UNC5D: variants seen among roughly 807,000 people sequenced by gnomAD.
UNC5D encodes the protein unc-5 netrin receptor D, also known as netrin receptor UNC5D.
Under a neutral mutation model 105.4 loss-of-function variants are expected in UNC5D, and 39 were observed. The observed-to-expected ratio is 0.37, with a 90% CI of 0.29 to 0.48. The LOEUF is 0.48. UNC5D is among the 20% of genes least tolerant of loss of function. UNC5D has a pLI of 0.98. For missense variants in UNC5D, 991 were observed against 1,202.4 expected, an observed-to-expected ratio of 0.82 and a Z score of 2.60; for synonymous variants, 452 against 450.4, an observed-to-expected ratio of 1.00 and a Z score of -0.04.
chr8:35,536,867 G>C (rs963422541), intron 1 of UNC5D, among the ~76,000 whole-genome samples: 3 of 152,002 alleles, frequency 2.0e-5, no homozygotes, highest in Admixed American at 6.6e-5. Flanking sequence ...GTAGTGGCAC[G>C]CACCTGTAGT....
intron 4 of UNC5D, among the ~76,000 whole-genome samples, chr8:35,622,384 G>C (rs199612925): frequency 6.6e-6 from 1 of 152,078 alleles, no homozygotes; most frequent in African/African-American, 2.4e-5. Flanking sequence ...AAAAACTCCT[G>C]AGAGGGAGAC....
At chr8:35,737,300 G>GTT (rs1554598554) in intron 11 of UNC5D, among the ~76,000 whole-genome samples, 2,713 of 130,126 alleles carry the variant, frequency 0.021, 114 homozygotes, top group African/African-American at 0.08. Flanking sequence ...GTGTGTGTGT[G>GTT]TTAATGTGTG....
intron 3 of UNC5D, among the ~76,000 whole-genome samples, chr8:35,592,107 A>C (rs1034746924): frequency 5.9e-5 from 9 of 152,164 alleles, no homozygotes; most frequent in African/African-American, 2.2e-4. Flanking sequence ...AGTTTTCTGC[A>C]ATATTCAATA....
At chr8:35,366,384 A>G (rs549593290) in intron 1 of UNC5D, among the ~76,000 whole-genome samples, 1 of 152,122 alleles carries the variant, frequency 6.6e-6, no homozygotes, top group African/African-American at 2.4e-5. Flanking sequence ...CACTCCAAAC[A>G]TAAGCCACCT....
intron 1 of UNC5D, among the ~76,000 whole-genome samples, chr8:35,451,234 T>C (rs1026438232): frequency 6.6e-6 from 1 of 151,914 alleles, no homozygotes; most frequent in African/African-American, 2.4e-5. Context: ...GTAGAGATAG[T>C]GTTTCTCCAT....
intron 1 of UNC5D, among the ~76,000 whole-genome samples, chr8:35,363,021 A>C (rs1801935266): frequency 6.6e-6 from 1 of 152,120 alleles, no homozygotes; most frequent in Non-Finnish European, 1.5e-5. Context: ...CACGTGTTGC[A>C]AGTTGTTGTC....
intron 1 of UNC5D, among the ~76,000 whole-genome samples, chr8:35,330,992 G>A (rs1427879486): frequency 6.6e-6 from 1 of 152,120 alleles, no homozygotes; most frequent in African/African-American, 2.4e-5. Flanking sequence ...GCTGCTCAGG[G>A]TTGCTTTGGA....
At chr8:35,475,826 G>A (rs1699728156) in intron 1 of UNC5D, among the ~76,000 whole-genome samples, 1 of 152,070 alleles carries the variant, frequency 6.6e-6, no homozygotes, top group South Asian at 2.1e-4. Flanking sequence ...TGCATCTGTG[G>A]GAAGTTTGCC....
intron 1 of UNC5D, among the ~76,000 whole-genome samples, chr8:35,470,024 C>T (rs1416287872): frequency 6.6e-6 from 1 of 152,206 alleles, no homozygotes; most frequent in Non-Finnish European, 1.5e-5. Flanking sequence ...CTGGACAAAT[C>T]ACTGGTCTCA....
intron 1 of UNC5D, among the ~76,000 whole-genome samples, chr8:35,533,756 GTT>G (rs1814602107): frequency 6.6e-6 from 1 of 152,182 alleles, no homozygotes; most frequent in East Asian, 1.9e-4. Context: ...GTGGTTCGCC[GTT>G]TTTTTAGCCG....
At chr8:35,572,770 G>A (rs1563548252) in intron 3 of UNC5D, among the ~76,000 whole-genome samples, 1 of 151,252 alleles carries the variant, frequency 6.6e-6, no homozygotes, top group Non-Finnish European at 1.5e-5. Context: ...AAATAATTCA[G>A]TATGGCTGGT....
chr8:35,395,262 C>T (rs556112564), intron 1 of UNC5D, among the ~76,000 whole-genome samples: 2 of 152,310 alleles, frequency 1.3e-5, no homozygotes, highest in East Asian at 3.9e-4. Context: ...ATATCTAGCA[C>T]TATAACTTGA....
At chr8:35,461,388 G>A (rs1218529020) in intron 1 of UNC5D, among the ~76,000 whole-genome samples, 2 of 152,098 alleles carry the variant, frequency 1.3e-5, no homozygotes. Context: ...TGTGAAAAAA[G>A]GAATACTCAG....
intron 1 of UNC5D, among the ~76,000 whole-genome samples, chr8:35,248,725 AAAAATATATAATATATAT>A (rs1424063638): frequency 1.0e-5 from 1 of 100,098 alleles, no homozygotes; most frequent in East Asian, 3.1e-4. Flanking sequence ...TAAAATATAT[AAAAATATATAATATATAT>A]AAAATATATA....
chr8:35,726,439 C>T lies in UNC5D; in HGVS notation c.1591C>T (p.Gln531Ter), dbSNP rs1434955600. ...MHPRNKMPYI[Q>*]NLSSLPTRTE... ...TCCCAGAAATAAAATGCCCTACATC[C>T]AAAATCTGTCATCACTCCCCACAAG... The change falls in exon 10 of 17, where the codon CAA becomes TAA. Residue 531 changes from glutamine (Q) to a stop codon, truncating the protein, a stop_gained. Transcript: ENST00000404895. LOFTEE classifies it high-confidence loss of function. 1 of 1,614,130 alleles carries T rather than the reference C, an allele frequency of 6.2e-7. No homozygotes were observed.
At chr8:35,574,402 A>G (rs1475198755) in intron 3 of UNC5D, among the ~76,000 whole-genome samples, 2 of 152,244 alleles carry the variant, frequency 1.3e-5, no homozygotes, top group Non-Finnish European at 1.5e-5. Context: ...AATGTGATAC[A>G]TCCTGAATAT....
At chr8:35,621,787 G>A (rs1821372242) in intron 4 of UNC5D, among the ~76,000 whole-genome samples, 1 of 152,158 alleles carries the variant, frequency 6.6e-6, no homozygotes, top group Non-Finnish European at 1.5e-5. Flanking sequence ...AGAAGGTGCA[G>A]CATATTCCTG....
intron 8 of UNC5D, among the ~76,000 whole-genome samples, chr8:35,712,416 C>G (rs1033913168): frequency 6.6e-6 from 1 of 152,130 alleles, no homozygotes; most frequent in African/African-American, 2.4e-5. Context: ...TAATACAAGG[C>G]AGAAAGAAGA....
At chr8:35,383,025 C>G (rs879580374) in intron 1 of UNC5D, among the ~76,000 whole-genome samples, 2 of 152,198 alleles carry the variant, frequency 1.3e-5, no homozygotes, top group East Asian at 1.9e-4. Context: ...GTGCAAAGTA[C>G]AAGAAAAGGA....
Sources: gnomAD v4.1 joint callset for allele counts (sites outside exome capture counted in the v4.1 genomes callset) on GRCh38, gnomAD v4.1.1 for gene constraint, MANE v1.5 for transcripts, NCBI Gene and HGNC (gene_info 2026-07-23, HGNC 2026-07-21) for gene names.